Variants in RIC3 observed in about 807,000 individuals in gnomAD.
RIC3 encodes the protein protein RIC-3.
Under a neutral mutation model 27.3 loss-of-function variants are expected in RIC3, and 28 were observed. The ratio of observed to expected loss-of-function variants is 1.02; its 90% CI spans 0.76 to 1.41. The LOEUF (loss-of-function observed/expected upper bound fraction) is 1.41, where lower values mean the gene tolerates loss of function less well. RIC3 is among the 40% of genes most tolerant of loss of function. The probability of loss-of-function intolerance (pLI) is 0.00; values close to 1 mark genes in which losing one functional copy is unlikely to be tolerated. For synonymous variants in RIC3, 184 were observed against 160.4 expected (o/e 1.15, Z -1.11); for missense variants, 501 against 444.7 (o/e 1.13, Z -1.14).
rs181464810 is a variant in RIC3, at chr11:8,128,944, C to T, written c.522-2137G>A. 3.7e-3 allele frequency among the ~76,000 whole-genome samples: 556 copies of T among 151,666 alleles called. 6 individuals are homozygous for T. Among genetic ancestry groups the T allele is most frequent in the African/African-American group, 0.013 (535 of 41,332 alleles). On this transcript the variant is annotated intron_variant, in intron 4 of 5. Transcript: ENST00000309737. ...TAATTTTTTGTATTTTTAGTAGAGA[C>T]GGGGTTTCACCGTGTTAGCCAGGAT...
intron 1 of RIC3, among the ~76,000 whole-genome samples, chr11:8,163,627 A>T (rs1951402788): frequency 6.6e-6 from 1 of 152,184 alleles, no homozygotes; most frequent in African/African-American, 2.4e-5. Flanking sequence ...AGAATAAAAT[A>T]CTTATGAATA....
downstream of RIC3, chr11:8,101,404 G>C: frequency 2.6e-6 from 4 of 1,556,004 alleles, no homozygotes; most frequent in Middle Eastern, 1.7e-4. Context: ...CCCTCATGTG[G>C]TTTGGGTGTC....
chr11:8,159,799 T>C (rs1000119731), intron 1 of RIC3, among the ~76,000 whole-genome samples: 2 of 152,098 alleles, frequency 1.3e-5, no homozygotes, highest in Admixed American at 6.5e-5. Flanking sequence ...GATACCAGCC[T>C]GGCCAACATG....
chr11:8,164,816 A>T (rs1951530934), intron 1 of RIC3, among the ~76,000 whole-genome samples: 1 of 151,456 alleles, frequency 6.6e-6, no homozygotes, highest in Non-Finnish European at 1.5e-5. Context: ...AAGACAAGTA[A>T]TCTGACTTTT....
At chr11:8,096,894 T>C in the RIC3 span, 1,770 of 1,475,140 alleles carry the variant, frequency 1.2e-3, 14 homozygotes, top group African/African-American at 0.022. Context: ...TGGACTCGTA[T>C]GCCTTTAGGA....
chr11:8,146,452 C>T (rs1949689460), intron 1 of RIC3, among the ~76,000 whole-genome samples: 1 of 152,080 alleles, frequency 6.6e-6, no homozygotes, highest in Non-Finnish European at 1.5e-5. Flanking sequence ...AAGAATAAAA[C>T]AAGAAAGTAA....
chr11:8,165,556 C>T (rs1217703461), intron 1 of RIC3, among the ~76,000 whole-genome samples: 1 of 151,992 alleles, frequency 6.6e-6, no homozygotes, highest in East Asian at 1.9e-4. Flanking sequence ...GGAGTAATAG[C>T]TAAAAAGTAC....
intron 5 of RIC3, among the ~76,000 whole-genome samples, chr11:8,117,112 A>G (rs146979889): frequency 1.2e-4 from 19 of 152,308 alleles, no homozygotes; most frequent in African/African-American, 4.1e-4. Context: ...ACTGTCACCC[A>G]GGCTGGAGTG....
chr11:8,094,304 G>A, the RIC3 span: 1 of 1,337,058 alleles, frequency 7.5e-7, no homozygotes. Flanking sequence ...CCTCAGGGAA[G>A]ACACAGACTG....
intron 5 of RIC3, among the ~76,000 whole-genome samples, chr11:8,123,438 A>G (rs1222099252): frequency 1.3e-5 from 2 of 152,182 alleles, no homozygotes; most frequent in Non-Finnish European, 2.9e-5. Flanking sequence ...AACAAAAAGA[A>G]ACCAAATTAC....
chr11:8,094,912 C>A, the RIC3 span, among the ~76,000 whole-genome samples: 1 of 152,192 alleles, frequency 6.6e-6, no homozygotes, highest in African/African-American at 2.4e-5. Flanking sequence ...GTGGCTGCCA[C>A]CTGTGTGGGT....
At chr11:8,164,781 C>CAAAAAAAAA (rs199958835) in intron 1 of RIC3, among the ~76,000 whole-genome samples, 1 of 84,252 alleles carries the variant, frequency 1.2e-5, no homozygotes, top group Admixed American at 1.2e-4. Context: ...CTGTCTCTCT[C>CAAAAAAAAA]AAAAAAAAAA....
At chr11:8,101,832 AGGGAT>A, downstream of RIC3, 22 of 706,588 alleles carry the variant, frequency 3.1e-5, no homozygotes, top group South Asian at 2.2e-4. Flanking sequence ...GTGGGTGTGA[AGGGAT>A]GAGAATAATT....
chr11:8,162,435 C>T (rs1951255881), intron 1 of RIC3, among the ~76,000 whole-genome samples: 1 of 152,144 alleles, frequency 6.6e-6, no homozygotes, highest in African/African-American at 2.4e-5. Context: ...TACACTGCTG[C>T]CAGGGTGTCC....
chr11:8,099,825 T>A, the RIC3 span, among the ~76,000 whole-genome samples: 1 of 152,094 alleles, frequency 6.6e-6, no homozygotes, highest in Non-Finnish European at 1.5e-5. Context: ...AGTGTACGTG[T>A]CTAGGGGACA....
intron 1 of RIC3, 68 bp from the exon 2 acceptor site, chr11:8,140,261 A>C: frequency 1.4e-6 from 2 of 1,400,956 alleles, no homozygotes; most frequent in Middle Eastern, 1.8e-4. Flanking sequence ...AAAACACCAA[A>C]TCATTAAGGT....
the RIC3 span, chr11:8,097,248 C>T: frequency 1.9e-6 from 3 of 1,614,006 alleles, no homozygotes; most frequent in African/African-American, 4.0e-5. Context: ...CAGCCCCTAG[C>T]CCAACAGCTC....
At chr11:8,101,493 C>T, downstream of RIC3, 1 of 1,614,218 alleles carries the variant, frequency 6.2e-7, no homozygotes, top group Non-Finnish European at 8.5e-7. Context: ...CAGCGGACTA[C>T]ATCGTGATGC....
At chr11:8,128,380 G>A in intron 4 of RIC3, 1 of 408,340 alleles carries the variant, frequency 2.4e-6, no homozygotes. Flanking sequence ...TAGACTACAG[G>A]AAGCAGGAAC....
Sources: allele counts gnomAD v4.1 joint callset (sites outside exome capture counted in the v4.1 genomes callset), GRCh38; gene constraint gnomAD v4.1.1; transcripts MANE v1.5; gene names NCBI Gene and HGNC (gene_info 2026-07-23, HGNC 2026-07-21).